ATP1A4: variants seen among roughly 807,000 people sequenced by gnomAD.
ATP1A4 encodes sodium/potassium-transporting ATPase subunit alpha-4.
A neutral mutation model predicts 114.3 loss-of-function variants in ATP1A4; 90 were observed. The observed-to-expected ratio is 0.79, with a 90% confidence interval of 0.66 to 0.94. The LOEUF (loss-of-function observed/expected upper bound fraction) is 0.94. Ranked by LOEUF, ATP1A4 falls within the 40% of genes least tolerant of loss-of-function variation. The pLI, the probability that ATP1A4 is intolerant of heterozygous loss-of-function variation, is 0.00. For missense variants in ATP1A4, 1,222 were observed against 1,313.6 expected (o/e 0.93, Z 1.08); for synonymous variants, 511 against 494.1 (o/e 1.03, Z -0.45).
chr1:160,186,182 G>T, intron 20 of ATP1A4, 94 bp from the exon 21 acceptor site: 1 of 738,176 alleles, frequency 1.4e-6, no homozygotes. Flanking sequence ...GTAGACACAA[G>T]CAATGAAACG....
intron 10 of ATP1A4, among the ~76,000 whole-genome samples, chr1:160,169,141 C>A (rs1238893585): frequency 1.3e-5 from 2 of 152,212 alleles, no homozygotes; most frequent in Non-Finnish European, 2.9e-5. Flanking sequence ...CTCTGGCAGG[C>A]ACTTGTTCTG....
Position 160,155,263 on chromosome 1 carries a change from C to A in ATP1A4, c.411+15C>A. The A allele has an allele frequency of 6.2e-7, 1 of 1,603,698 alleles. No homozygotes were observed. Among genetic ancestry groups the A allele is most frequent in the East Asian group, 2.2e-5 (1 of 44,746 alleles). ...CCAAAGACAACGTGAGTCTCTTCAGCTACTACTAGCCAGCCCTATCTCTGC... is the reference window on the plus strand; with the variant it reads ...CCAAAGACAACGTGAGTCTCTTCAGATACTACTAGCCAGCCCTATCTCTGC... On this transcript the variant is annotated intron_variant, in intron 3 of 21. Coordinates refer to ENST00000368081, the MANE Select transcript of ATP1A4 (RefSeq NM_144699.4).
At chr1:160,153,326 C>T (rs1652524579) in intron 2 of ATP1A4, 102 bp downstream of exon 2, 3 of 1,017,826 alleles carry the variant, frequency 2.9e-6, no homozygotes, top group Non-Finnish European at 4.5e-6. Context: ...AACTTCAAGT[C>T]CAACGTTCCC....
At chr1:160,162,780 A>G (rs1303233711) in intron 6 of ATP1A4, among the ~76,000 whole-genome samples, 1 of 152,198 alleles carries the variant, frequency 6.6e-6, no homozygotes, top group Non-Finnish European at 1.5e-5. Context: ...ATGTTGGAAC[A>G]TAGGGCTCTA....
Position 160,164,222 on chromosome 1 carries a change from C to A in ATP1A4, c.845C>A (p.Thr282Lys). The A allele has an allele frequency of 6.2e-7, 1 of 1,614,224 alleles. No homozygotes were observed. The highest frequency in any genetic ancestry group is 2.2e-5 in the East Asian group (1 of 44,890). ...STVMGRIASL[T>K]SGLAVGQTPI... ...GTGATGGGCAGAATTGCCTCCCTGA[C>A]GTCAGGCCTGGCGGTTGGCCAGACA... Residue 282 changes from threonine (T) to lysine (K), a missense_variant, in exon 7 of 22, where the codon ACG becomes AAG. Transcript: ENST00000368081.
chr1:160,152,352 A>G (rs1652488576), intron 1 of ATP1A4, among the ~76,000 whole-genome samples, 165 bp downstream of exon 1: 1 of 151,556 alleles, frequency 6.6e-6, no homozygotes, highest in Admixed American at 6.6e-5. Context: ...AAAGATACAC[A>G]CAGAGAGACA....
chr1:160,151,988 C>A lies in ATP1A4; in HGVS notation c.-53C>A. The A allele has an allele frequency of 1.3e-6, 2 of 1,577,656 alleles. No homozygotes were observed. The highest frequency in any genetic ancestry group is 1.2e-5 in the South Asian group (1 of 85,584). On this transcript the variant is annotated 5_prime_UTR_variant, in exon 1 of 22. Transcript: ENST00000368081. ...CCTCTTCCCTTCCCCTTGCCTCACT[C>A]TCTCAGCTTTCTTCCCACAGTTGAG...
At chr1:160,185,193 ACCTCCG>A (rs1653837634) in intron 20 of ATP1A4, among the ~76,000 whole-genome samples, 3 of 150,906 alleles carry the variant, frequency 2.0e-5, no homozygotes, top group South Asian at 2.1e-4. Context: ...GCTCACTGCA[ACCTCCG>A]CCTCCCGGGT....
At chr1:160,179,991 G>C (rs1489987357) in intron 18 of ATP1A4, among the ~76,000 whole-genome samples, 1 of 152,208 alleles carries the variant, frequency 6.6e-6, no homozygotes, top group African/African-American at 2.4e-5. Flanking sequence ...AAGGATGGGA[G>C]CAAGCAGCCC....
At chr1:160,153,033 A>G (rs914230939) in intron 1 of ATP1A4, 132 bp from the exon 2 acceptor site, 73 of 715,966 alleles carry the variant, frequency 1.0e-4, no homozygotes, top group Non-Finnish European at 1.9e-5. Context: ...CATCTCAAAA[A>G]AAGAATTGCA....
chr1:160,156,292 C>G lies in ATP1A4; in HGVS notation c.525+134C>G, dbSNP rs560580108. 33 of 631,108 alleles carry G rather than the reference C, an allele frequency of 5.2e-5. No individual in the cohort carries two copies. The East Asian group carries it at 5.5e-4, about 10-fold the overall frequency. 39.1% of individuals were successfully genotyped at this position (631,108 alleles called of 1,614,324 possible). ...GGTTGGTGATGAGGGGGTCAAGGTA[C>G]TGTATCAGTCCTTAAAAGTACCTGG... is the stretch of plus-strand genomic sequence containing the variant. On this transcript the variant is annotated intron_variant, in intron 4 of 21. Coordinates refer to ENST00000368081, the MANE Select transcript of ATP1A4 (RefSeq NM_144699.4).
At chr1:160,165,271 T>C (rs1351630954) in intron 7 of ATP1A4, among the ~76,000 whole-genome samples, 2 of 152,370 alleles carry the variant, frequency 1.3e-5, no homozygotes, top group East Asian at 3.9e-4. Flanking sequence ...AAATACATTA[T>C]AACCCCTAAT....
In ATP1A4 at chr1:160,177,504, C is replaced by T. The variant is rs1271784271; in HGVS notation, c.2591-15C>T. On this transcript the variant is annotated splice_polypyrimidine_tract_variant and intron_variant, in intron 17 of 21. Transcript: ENST00000368081. The stretch of plus-strand genomic sequence containing the variant: ...TGAACCAGGCTCCCCTGTCCTGCAA[C>T]TCTGTCATTCACAGGGATGATCCAG... 1.2e-6 allele frequency: 2 copies of T among 1,613,288 alleles called. No individual in the cohort carries two copies. Among genetic ancestry groups the T allele is most frequent in the Non-Finnish European group, 8.5e-7 (1 of 1,179,806 alleles).
intron 19 of ATP1A4, 45 bp downstream of exon 19, chr1:160,181,859 C>T (rs1653719823): frequency 1.2e-6 from 2 of 1,613,814 alleles, no homozygotes; most frequent in Admixed American, 1.7e-5. Flanking sequence ...AAGCCCCACA[C>T]ACCAGGACAT....
rs774090037 is a variant in ATP1A4 at position 160,166,655 on chromosome 1, A to G, written c.1175A>G (p.Asn392Ser). 6.2e-7 allele frequency: 1 copy of G among 1,614,222 alleles called. No homozygotes were observed. ...GACAAGACGGGCACCCTCACCCAGAACCGCATGACCGTCGCCCACATGTGG... is the reference window on the plus strand; with the variant it reads ...GACAAGACGGGCACCCTCACCCAGAGCCGCATGACCGTCGCCCACATGTGG... ...CSDKTGTLTQ[N>S]RMTVAHMWFD... is the part of the protein sequence containing the mutation. The change falls in exon 8 of 22, where the codon AAC becomes AGC. Residue 392 changes from asparagine (N) to serine (S), a missense_variant. Transcript: ENST00000368081.
chr1:160,168,631 G>A (rs961670492), intron 10 of ATP1A4, among the ~76,000 whole-genome samples: 4 of 152,018 alleles, frequency 2.6e-5, no homozygotes, highest in South Asian at 2.1e-4. Context: ...TGATCCACCC[G>A]CCTCAGCCTC....
chr1:160,182,520 T>C (rs906512772), intron 20 of ATP1A4, among the ~76,000 whole-genome samples: 10 of 152,196 alleles, frequency 6.6e-5, no homozygotes, highest in African/African-American at 2.2e-4. Flanking sequence ...AACATTAGTA[T>C]ATGCTTGATG....
intron 6 of ATP1A4, among the ~76,000 whole-genome samples, chr1:160,161,206 A>G (rs962625205): frequency 1.3e-5 from 2 of 152,214 alleles, no homozygotes; most frequent in Non-Finnish European, 2.9e-5. Context: ...CCCTAGATCA[A>G]TTTGCCCTTT....
intron 18 of ATP1A4, among the ~76,000 whole-genome samples, chr1:160,180,388 A>C (rs1452267912): frequency 3.0e-5 from 4 of 135,010 alleles, no homozygotes; most frequent in Non-Finnish European, 5.0e-5. Context: ...ATGCTGCTTT[A>C]GTTTTTAAAA....
Sources: allele counts gnomAD v4.1 joint callset (sites outside exome capture counted in the v4.1 genomes callset), GRCh38; gene constraint gnomAD v4.1.1; transcripts MANE v1.5; gene names NCBI Gene and HGNC (gene_info 2026-07-23, HGNC 2026-07-21).